The following CUX1 variants were observed in gnomAD, a reference collection of about 807,000 sequenced individuals.
CUX1 encodes the protein protein CASP.
A neutral mutation model predicts 158.8 loss-of-function variants in CUX1; 31 were observed. The ratio of observed to expected loss-of-function variants is 0.20; its 90% CI spans 0.15 to 0.26. CUX1 has a LOEUF of 0.26. Ranked by LOEUF, CUX1 falls within the 10% of genes least tolerant of loss-of-function variation. The probability of loss-of-function intolerance (pLI) is 1.00; values close to 1 mark genes in which losing one functional copy is unlikely to be tolerated. For missense variants in CUX1, 1,589 were observed against 2,014.6 expected (o/e 0.79, Z 4.04); for synonymous variants, 879 against 862.1 (o/e 1.02, Z -0.34).
At chr7:102,229,060 T>C (rs1798661887) in intron 21 of CUX1, among the ~76,000 whole-genome samples, 1 of 152,128 alleles carries the variant, frequency 6.6e-6, no homozygotes, top group Non-Finnish European at 1.5e-5. Context: ...ATAATAGTCA[T>C]TGTTATTTTA....
chr7:102,046,511 G>A (rs961780421), intron 3 of CUX1, among the ~76,000 whole-genome samples: 1 of 151,178 alleles, frequency 6.6e-6, no homozygotes, highest in Non-Finnish European at 1.5e-5. Context: ...GGGATTACAG[G>A]CGTAAGCCAC....
chr7:101,871,286 C>T (rs1476534673), intron 1 of CUX1, among the ~76,000 whole-genome samples: 1 of 150,062 alleles, frequency 6.7e-6, no homozygotes, highest in Non-Finnish European at 1.5e-5. Context: ...GTGATGTACT[C>T]AGTTACATGA....
At position 102,282,833 on chromosome 7, in the gene CUX1, G is replaced by T. The variant is rs868937770; in HGVS notation, c.1967+57G>T. The T allele has an allele frequency of 2.5e-4, 308 of 1,225,764 alleles. No individual in the cohort carries two copies. The African/African-American group carries it at 5.7e-3, about 23-fold the overall frequency. 75.9% of individuals were successfully genotyped at this position (1,225,764 alleles called of 1,614,324 possible). The stretch of plus-strand genomic sequence containing the variant: ...CCCACAGCGAGCTCCCAGCACCCCC[G>T]CAACACCCCCGAGTTCCTGCCTCAT... On this transcript the variant is annotated intron_variant, in intron 22 of 22. Coordinates refer to the CUX1 transcript ENST00000292538.
At chr7:102,195,477 G>A (rs374233050) in intron 13 of CUX1, 30 bp from the exon 14 acceptor site, 20 of 1,582,518 alleles carry the variant, frequency 1.3e-5, no homozygotes, top group Admixed American at 3.4e-5. Flanking sequence ...GGCCGGCCCC[G>A]CAGTGAGACC....
chr7:102,077,712 T>C (rs1826929026), intron 4 of CUX1, among the ~76,000 whole-genome samples: 1 of 152,120 alleles, frequency 6.6e-6, no homozygotes, highest in Non-Finnish European at 1.5e-5. Flanking sequence ...TAAAATGTAA[T>C]GTGACCCTCT....
intron 8 of CUX1, among the ~76,000 whole-genome samples, chr7:102,128,323 G>A (rs569899293): frequency 6.6e-6 from 1 of 152,278 alleles, no homozygotes; most frequent in Admixed American, 6.5e-5. Flanking sequence ...ACGGCTCAGA[G>A]ACCCTGACTC....
rs1200661334 is a variant in CUX1, at chr7:102,274,169, C to T, written c.1384-75C>T. On this transcript the variant is annotated intron_variant, in intron 15 of 22. Coordinates refer to the CUX1 transcript ENST00000292538. ...TTGCCACACCCACCCTGCCATTTGCCTTGGCCATGCTGAAAGGGAATATTC... is the reference window on the plus strand; with the variant it reads ...TTGCCACACCCACCCTGCCATTTGCTTTGGCCATGCTGAAAGGGAATATTC... 12 of 1,461,036 alleles carry T rather than the reference C, an allele frequency of 8.2e-6. No homozygotes were observed. In the African/African-American group the frequency reaches 8.4e-5, roughly 10 times the overall value. The allele number at this position is 1,461,036 out of a possible 1,614,324, so 90.5% of individuals were successfully genotyped here.
chr7:101,913,693 C>T (rs980536122), intron 1 of CUX1, among the ~76,000 whole-genome samples: 3 of 152,128 alleles, frequency 2.0e-5, no homozygotes, highest in Admixed American at 1.3e-4. Flanking sequence ...AGATGCCCAC[C>T]GATTGGGTAA....
intron 8 of CUX1, among the ~76,000 whole-genome samples, chr7:102,149,217 C>A (rs1278237544): frequency 2.0e-5 from 3 of 152,230 alleles, no homozygotes; most frequent in African/African-American, 7.2e-5. Flanking sequence ...CCCAGTGTCC[C>A]CTGCTCAGTA....
intron 1 of CUX1, among the ~76,000 whole-genome samples, chr7:101,837,093 G>A (rs560928070): frequency 2.4e-4 from 36 of 152,344 alleles, no homozygotes; most frequent in African/African-American, 8.2e-4. Context: ...GCAACTTGCC[G>A]TGCACGGCTT....
At chr7:101,932,797 T>A (rs1806432350) in intron 2 of CUX1, among the ~76,000 whole-genome samples, 1 of 152,192 alleles carries the variant, frequency 6.6e-6, no homozygotes, top group Non-Finnish European at 1.5e-5. Context: ...GGAAAAGTGA[T>A]GTGTGAATAG....
chr7:102,210,541 T>C (rs1299514318), intron 20 of CUX1, among the ~76,000 whole-genome samples: 5 of 152,196 alleles, frequency 3.3e-5, no homozygotes, highest in Non-Finnish European at 7.3e-5. Flanking sequence ...TGTGGGAGCG[T>C]TTCATTGCTG....
intron 2 of CUX1, among the ~76,000 whole-genome samples, chr7:101,984,549 A>AG (rs1331410982): frequency 6.7e-6 from 1 of 149,964 alleles, no homozygotes; most frequent in Admixed American, 6.6e-5. Flanking sequence ...CTGCACTCTC[A>AG]GGCGAGCTGT....
chr7:101,868,375 C>T (rs936170789), intron 1 of CUX1, among the ~76,000 whole-genome samples: 6 of 152,180 alleles, frequency 3.9e-5, no homozygotes, highest in Middle Eastern at 3.2e-3. Flanking sequence ...CTTGGGCCAG[C>T]GCCTCCTCCC....
At position 102,249,413 on chromosome 7, in the gene CUX1, G is replaced by A; in HGVS notation, c.*371G>A. On this transcript the variant is annotated 3_prime_UTR_variant, in exon 24 of 24. Transcript: ENST00000292535. ...CATATAGAAAACAAAGGAGCATTAA[G>A]CCCAATCTATGTCGTGTTTTCAAGG... 1 of 988,112 alleles carries A rather than the reference G, an allele frequency of 1.0e-6. No homozygotes were observed. The highest frequency in any genetic ancestry group is 1.2e-6 in the Non-Finnish European group (1 of 831,482). The allele number at this position is 988,112 out of a possible 1,614,324, so 61.2% of individuals were successfully genotyped here. A position where few individuals can be genotyped will look rare whatever the true frequency, so the allele number is the denominator to read the frequency against.
chr7:102,196,502 G>T, intron 14 of CUX1, 132 bp from the exon 15 acceptor site: 2 of 776,418 alleles, frequency 2.6e-6, no homozygotes, highest in Non-Finnish European at 4.0e-6. Flanking sequence ...CCACCTCATT[G>T]GCCCTTGTAA....
intron 20 of CUX1, chr7:102,280,891 T>C: frequency 6.8e-7 from 1 of 1,474,070 alleles, no homozygotes; most frequent in Non-Finnish European, 9.3e-7. Context: ...ACCCCCTCCC[T>C]GGACAGGCCT....
chr7:101,987,971 G>A (rs556108275), intron 2 of CUX1, among the ~76,000 whole-genome samples: 1 of 152,302 alleles, frequency 6.6e-6, no homozygotes, highest in East Asian at 1.9e-4. Flanking sequence ...CAGCACTTTG[G>A]GAGGCCGAGG....
intron 1 of CUX1, among the ~76,000 whole-genome samples, chr7:101,844,907 C>T (rs879622785): frequency 6.6e-6 from 1 of 152,222 alleles, no homozygotes; most frequent in East Asian, 1.9e-4. Context: ...TGAGCCACTG[C>T]GCCTGGCCTG....
Sources: allele counts gnomAD v4.1 joint callset (sites outside exome capture counted in the v4.1 genomes callset), GRCh38; gene constraint gnomAD v4.1.1; transcripts MANE v1.5; gene names NCBI Gene and HGNC (gene_info 2026-07-23, HGNC 2026-07-21).